RRP36: variants seen among roughly 807,000 people sequenced by gnomAD.
RRP36 encodes the protein ribosomal RNA processing protein 36 homolog.
Under a neutral mutation model 39.8 loss-of-function variants are expected in RRP36, and 44 were observed. The observed-to-expected ratio is 1.10, with a 90% CI of 0.87 to 1.42. The LOEUF (loss-of-function observed/expected upper bound fraction) is 1.42. RRP36 is among the 40% of genes most tolerant of loss of function. The pLI is 0.00. For synonymous variants in RRP36, 124 were observed against 123.1 expected, an observed-to-expected ratio of 1.01 and a Z score of -0.05; for missense variants, 316 against 322.4, an observed-to-expected ratio of 0.98 and a Z score of 0.15.
rs763442365 is a variant in RRP36 at position 43,025,109 on chromosome 6, T to C, written c.255T>C (p.Asn85=). 1.2e-6 allele frequency: 2 copies of C among 1,614,190 alleles called. No individual in the cohort carries two copies. The highest frequency in any genetic ancestry group is 1.7e-6 in the Non-Finnish European group (2 of 1,180,046). ...KKQASRPPIQ[N]ACVADKHRPL... Reference sequence around the variant, plus strand: ...AAGCTTCTAGACCACCTATCCAAAATGCATGTGTTGCAGATAAGCACAGGT... The same window carrying C: ...AAGCTTCTAGACCACCTATCCAAAACGCATGTGTTGCAGATAAGCACAGGT... Residue 85 remains asparagine, a synonymous_variant, in exon 2 of 7, where the codon AAT becomes AAC. Coordinates refer to ENST00000244496, the MANE Select transcript of RRP36 (RefSeq NM_033112.4).
In RRP36 at chr6:43,029,436, G is replaced by A. The variant is rs1762874110; in HGVS notation, c.*208G>A. 4 of 509,428 alleles carry A rather than the reference G, an allele frequency of 7.9e-6. No individual in the cohort carries two copies. Among genetic ancestry groups the A allele is most frequent in the Middle Eastern group, 5.1e-4 (1 of 1,972 alleles). 31.6% of individuals were successfully genotyped at this position (509,428 alleles called of 1,614,324 possible). A position where few individuals can be genotyped will look rare whatever the true frequency, so the allele number is the denominator to read the frequency against. ...CTGCCATGCCACACAGCCTCAGCTT[G>A]AATCTGGTTCATTGCGTCCTCGTGT... On this transcript the variant is annotated 3_prime_UTR_variant, in exon 7 of 7. Transcript: ENST00000244496.
chr6:43,023,903 C>CTGGA (rs1762769098), intron 1 of RRP36, among the ~76,000 whole-genome samples: 1 of 149,388 alleles, frequency 6.7e-6, no homozygotes, highest in South Asian at 2.1e-4. Context: ...GTCACCCAGG[C>CTGGA]TGGAGTGCAG....
chr6:43,026,923 G>A (rs188835350), intron 4 of RRP36, among the ~76,000 whole-genome samples: 5 of 151,442 alleles, frequency 3.3e-5, no homozygotes, highest in Admixed American at 1.3e-4. Context: ...AAAATTAGCC[G>A]GGCGTGGTGG....
chr6:43,027,361 A>G lies in RRP36; in HGVS notation c.527A>G (p.Glu176Gly), dbSNP rs1356509094. The change falls in exon 6 of 7, where the codon GAG (glutamate) becomes GGG (glycine). Residue 176 changes from glutamate (E) to glycine (G), a missense_variant and splice_region_variant. Physicochemically the swap from Glu to Gly is moderately conservative, Grantham distance 98. Transcript: ENST00000244496. ...ACCCATCTCATCTTTGCTCCTCAGGAGCAGCAAGAAATGGCACAGCAGGAA... is the reference window on the plus strand; with the variant it reads ...ACCCATCTCATCTTTGCTCCTCAGGGGCAGCAAGAAATGGCACAGCAGGAA... ...EKLQQLLQRMEQQEMAQQERK... is the reference protein window; with the variant it reads ...EKLQQLLQRMGQQEMAQQERK... 2 of 1,614,068 alleles carry G rather than the reference A, an allele frequency of 1.2e-6. No individual in the cohort carries two copies. The highest frequency in any genetic ancestry group is 2.7e-5 in the African/African-American group (2 of 74,924).
At position 43,029,238 on chromosome 6, in the gene RRP36, A is replaced by G; in HGVS notation, c.*10A>G. ...TTTGAGCAAAGAGTAATAAGGAACT[A>G]TCCTCTGCTCTGCCACTGCCCCAGG... On this transcript the variant is annotated 3_prime_UTR_variant, in exon 7 of 7. Coordinates refer to ENST00000244496, the MANE Select transcript of RRP36 (RefSeq NM_033112.4). 4 of 1,613,780 alleles carry G rather than the reference A, an allele frequency of 2.5e-6. No homozygotes were observed. The highest frequency in any genetic ancestry group is 3.4e-6 in the Non-Finnish European group (4 of 1,179,680).
chr6:43,026,213 G>A, intron 4 of RRP36, 72 bp downstream of exon 4: 1 of 1,064,528 alleles, frequency 9.4e-7, no homozygotes, highest in Non-Finnish European at 1.4e-6. Context: ...AGAGAGTTGG[G>A]CAGGGGGAGT....
chr6:43,025,363 C>T, intron 3 of RRP36, 34 bp downstream of exon 3: 1 of 1,603,602 alleles, frequency 6.2e-7, no homozygotes, highest in Non-Finnish European at 8.5e-7. Flanking sequence ...TGGCTCACGC[C>T]TGTAATCCCA....
rs1762834838 is a variant in RRP36 at position 43,027,469 on chromosome 6, T to C, written c.635T>C (p.Leu212Pro). Residue 212 changes from leucine (L) to proline (P), a missense_variant, in exon 6 of 7, where the codon CTG becomes CCG. Transcript: ENST00000244496. ...CAGCAGGGCCATCGGCCATACTTCC[T>C]GAAAAAATGTGAGTTGGGCACAACT... The part of the protein sequence containing the change: ...QAQQGHRPYF[L>P]KKSEQRQLAL... The C allele has an allele frequency of 1.2e-6, 2 of 1,613,014 alleles. No homozygotes were observed. The highest frequency in any genetic ancestry group is 1.7e-6 in the Non-Finnish European group (2 of 1,179,478).
At chr6:43,022,911 G>T (rs1373726239) in intron 1 of RRP36, among the ~76,000 whole-genome samples, 2 of 152,020 alleles carry the variant, frequency 1.3e-5, no homozygotes. Flanking sequence ...GATTACAGGC[G>T]TGAGCCACCT....
Position 43,027,442 on chromosome 6 carries a change from C to G in RRP36, c.608C>G (p.Ala203Gly). 1 of 1,614,144 alleles carries G rather than the reference C, an allele frequency of 6.2e-7. No homozygotes were observed. Among genetic ancestry groups the G allele is most frequent in the Middle Eastern group, 1.7e-4 (1 of 6,040 alleles). Reference protein sequence around the residue: ...LALKQERRAQAQQGHRPYFLK... With the variant: ...LALKQERRAQGQQGHRPYFLK... ...CTGAAGCAAGAACGTCGGGCTCAGG[C>G]CCAGCAGGGCCATCGGCCATACTTC... Residue 203 changes from alanine (A) to glycine (G), a missense_variant, in exon 6 of 7, where the codon GCC (alanine) becomes GGC (glycine). Transcript: ENST00000244496.
At chr6:43,028,902 G>A (rs747410968) in intron 6 of RRP36, among the ~76,000 whole-genome samples, 190 bp from the exon 7 acceptor site, 1 of 152,122 alleles carries the variant, frequency 6.6e-6, no homozygotes. Flanking sequence ...GCAGTGAGCC[G>A]AGATCGCGTC....
intron 1 of RRP36, among the ~76,000 whole-genome samples, chr6:43,024,602 C>T (rs1762777614): frequency 6.6e-6 from 1 of 152,128 alleles, no homozygotes; most frequent in Admixed American, 6.6e-5. Flanking sequence ...GAGGCTAGAG[C>T]ACTGATTGAG....
intron 1 of RRP36, among the ~76,000 whole-genome samples, chr6:43,022,177 C>A (rs1265013762): frequency 6.6e-6 from 1 of 151,960 alleles, no homozygotes; most frequent in Non-Finnish European, 1.5e-5. Context: ...GCGATGTCGG[C>A]AAGCTCCGCC....
At chr6:43,025,622 C>CAAAAAAA (rs1219326852) in intron 3 of RRP36, among the ~76,000 whole-genome samples, 1 of 63,696 alleles carries the variant, frequency 1.6e-5, no homozygotes. Flanking sequence ...GACTCTGTCT[C>CAAAAAAA]AAAAAAAAAA....
At chr6:43,025,925 T>C (rs1762805986) in intron 3 of RRP36, 112 bp from the exon 4 acceptor site, 1 of 702,598 alleles carries the variant, frequency 1.4e-6, no homozygotes, top group Non-Finnish European at 2.4e-6. Flanking sequence ...AGAGCGAGAC[T>C]GTGTCTCAAA....
chr6:43,027,842 C>T (rs77576476), intron 6 of RRP36, among the ~76,000 whole-genome samples: 1 of 150,568 alleles, frequency 6.6e-6, no homozygotes, highest in Non-Finnish European at 1.5e-5. Flanking sequence ...CACACACACA[C>T]ACACAATCAG....
chr6:43,022,511 C>G (rs2150294769), intron 1 of RRP36, among the ~76,000 whole-genome samples: 1 of 151,802 alleles, frequency 6.6e-6, no homozygotes, highest in South Asian at 2.1e-4. Context: ...ACTCCCGGGC[C>G]CAAGAGATCC....
intron 1 of RRP36, among the ~76,000 whole-genome samples, chr6:43,022,098 CTTTG>C (rs1380383167): frequency 6.6e-6 from 1 of 152,064 alleles, no homozygotes; most frequent in Non-Finnish European, 1.5e-5. Context: ...ATTCCGTAGA[CTTTG>C]TTTTTTTAAT....
In RRP36 at chr6:43,029,182, G is replaced by T; in HGVS notation, c.734G>T (p.Arg245Leu). The T allele has an allele frequency of 6.2e-7, 1 of 1,614,240 alleles. No homozygotes were observed. The highest frequency in any genetic ancestry group is 1.3e-5 in the African/African-American group (1 of 75,056). Residue 245 changes from arginine (R) to leucine (L), a missense_variant, in exon 7 of 7, where the codon CGA becomes CTA. Coordinates refer to ENST00000244496, the MANE Select transcript of RRP36 (RefSeq NM_033112.4). ...AACTTCTTGAGTCGAAAGAGGCGAC[G>T]AAATGCAGGCAAGGACAGGAGACAT... ...LENFLSRKRR[R>L]NAGKDRRHLP...
Sources: allele counts gnomAD v4.1 joint callset (sites outside exome capture counted in the v4.1 genomes callset), GRCh38; gene constraint gnomAD v4.1.1; transcripts MANE v1.5; gene names NCBI Gene and HGNC (gene_info 2026-07-23, HGNC 2026-07-21).